Variants in OXR1 observed in about 807,000 individuals in gnomAD.
The protein encoded by OXR1 is oxidation resistance 1.
Under a neutral mutation model 104.6 loss-of-function variants are expected in OXR1, and 41 were observed. The observed-to-expected ratio is 0.39, with a 90% CI of 0.31 to 0.51. The LOEUF (loss-of-function observed/expected upper bound fraction) is 0.51. Among genes scored for constraint, OXR1 ranks in the 20% least tolerant of loss-of-function variants. The probability of loss-of-function intolerance (pLI) is 0.77; values close to 1 mark genes in which losing one functional copy is unlikely to be tolerated. For synonymous variants in OXR1, 348 were observed against 348.4 expected, an observed-to-expected ratio of 1.00 and a Z score of 0.01; for missense variants, 955 against 1,031.9, an observed-to-expected ratio of 0.93 and a Z score of 1.02.
intron 1 of OXR1, among the ~76,000 whole-genome samples, chr8:106,275,508 G>C (rs1238217835): frequency 6.6e-6 from 1 of 152,198 alleles, no homozygotes; most frequent in Non-Finnish European, 1.5e-5. Flanking sequence ...TGAACATTCT[G>C]TGTCACTATT....
chr8:106,720,311 T>C (rs1587233196), intron 11 of OXR1, among the ~76,000 whole-genome samples: 1 of 152,152 alleles, frequency 6.6e-6, no homozygotes, highest in East Asian at 1.9e-4. Context: ...AGGACCTAGT[T>C]ATCAGTGTTG....
chr8:106,543,105 G>A (rs188074105), intron 3 of OXR1, among the ~76,000 whole-genome samples: 1 of 152,238 alleles, frequency 6.6e-6, no homozygotes, highest in Admixed American at 6.5e-5. Flanking sequence ...TTGTATATTG[G>A]AGGAGTCTAC....
At chr8:106,489,422 T>C (rs1810928225) in intron 2 of OXR1, among the ~76,000 whole-genome samples, 1 of 152,184 alleles carries the variant, frequency 6.6e-6, no homozygotes, top group Admixed American at 6.5e-5. Flanking sequence ...AAGCTCAGCA[T>C]TGTAAGTTTT....
chr8:106,482,763 G>T (rs546990669), intron 2 of OXR1, among the ~76,000 whole-genome samples: 22 of 151,960 alleles, frequency 1.4e-4, no homozygotes, highest in African/African-American at 5.3e-4. Flanking sequence ...CACTCATTTT[G>T]ATTCAAATTA....
intron 6 of OXR1, among the ~76,000 whole-genome samples, chr8:106,688,125 G>C (rs1392496085): frequency 1.3e-5 from 2 of 151,896 alleles, no homozygotes; most frequent in East Asian, 3.9e-4. Context: ...TTTCTCCTTT[G>C]TACTGTAAGT....
intron 16 of OXR1, among the ~76,000 whole-genome samples, chr8:106,748,763 T>C (rs1835619639): frequency 6.6e-6 from 1 of 151,200 alleles, no homozygotes; most frequent in African/African-American, 2.4e-5. Context: ...AGAGACAGGG[T>C]TTCGCCATGT....
chr8:106,270,954 A>T (rs1811776212), intron 1 of OXR1, among the ~76,000 whole-genome samples: 1 of 152,138 alleles, frequency 6.6e-6, no homozygotes, highest in Admixed American at 6.5e-5. Flanking sequence ...GCTAGGGGGC[A>T]CATCATGATG....
chr8:106,727,196 T>A (rs1833427005), intron 11 of OXR1, among the ~76,000 whole-genome samples: 1 of 151,492 alleles, frequency 6.6e-6, no homozygotes, highest in African/African-American at 2.4e-5. Context: ...TTAACACCGT[T>A]GTTTTTTTTT....
At chr8:106,348,103 C>T (rs1043288709) in intron 1 of OXR1, among the ~76,000 whole-genome samples, 2 of 152,142 alleles carry the variant, frequency 1.3e-5, no homozygotes, top group African/African-American at 4.8e-5. Context: ...GAAATGGGAA[C>T]ATAATGATCA....
intron 2 of OXR1, among the ~76,000 whole-genome samples, chr8:106,415,587 C>G (rs1170496632): frequency 7.7e-6 from 1 of 129,562 alleles, no homozygotes; most frequent in Non-Finnish European, 1.7e-5. Context: ...GAGAGAGAGA[C>G]AGAGAGACAG....
intron 2 of OXR1, among the ~76,000 whole-genome samples, chr8:106,372,158 A>G (rs1816733999): frequency 1.3e-5 from 2 of 152,324 alleles, no homozygotes; most frequent in East Asian, 1.9e-4. Flanking sequence ...TGGGTTCGCA[A>G]CTGGTATCTT....
At chr8:106,373,637 T>C (rs1251637604) in intron 2 of OXR1, among the ~76,000 whole-genome samples, 1 of 152,196 alleles carries the variant, frequency 6.6e-6, no homozygotes, top group Non-Finnish European at 1.5e-5. Flanking sequence ...TCACCCAGGC[T>C]GGAGTGCAAT....
intron 3 of OXR1, among the ~76,000 whole-genome samples, chr8:106,649,988 A>G (rs1463934980): frequency 6.6e-6 from 1 of 152,062 alleles, no homozygotes; most frequent in South Asian, 2.1e-4. Flanking sequence ...GAGTCACCGC[A>G]CCTGGCCAAA....
At chr8:106,518,878 A>G (rs1205426783) in intron 2 of OXR1, 65 bp from the exon 3 acceptor site, 2 of 1,231,540 alleles carry the variant, frequency 1.6e-6, no homozygotes, top group Non-Finnish European at 2.2e-6. Flanking sequence ...AAAAAAAATT[A>G]TAAACATGGA....
chr8:106,623,927 C>A (rs939087908), intron 3 of OXR1, among the ~76,000 whole-genome samples: 3 of 152,208 alleles, frequency 2.0e-5, no homozygotes, highest in Admixed American at 6.5e-5. Flanking sequence ...TTCCTTCTGA[C>A]AAACCAGAAC....
chr8:106,637,608 T>C (rs918514706), intron 3 of OXR1, among the ~76,000 whole-genome samples: 4 of 152,136 alleles, frequency 2.6e-5, no homozygotes, highest in African/African-American at 9.7e-5. Flanking sequence ...GTCTATTGGG[T>C]TGAATTTGCA....
intron 2 of OXR1, among the ~76,000 whole-genome samples, chr8:106,456,603 G>GT (rs1376932659): frequency 1.3e-5 from 2 of 151,866 alleles, no homozygotes; most frequent in South Asian, 2.1e-4. Flanking sequence ...ACTATTGTGG[G>GT]TTTTTTTTCT....
intron 9 of OXR1, among the ~76,000 whole-genome samples, chr8:106,710,065 T>A (rs1286541002): frequency 6.6e-6 from 1 of 152,132 alleles, no homozygotes; most frequent in Non-Finnish European, 1.5e-5. Context: ...TATCAGCACC[T>A]CTGGTTGAAA....
chr8:106,281,216 C>T (rs983576040), intron 1 of OXR1, among the ~76,000 whole-genome samples: 4 of 152,118 alleles, frequency 2.6e-5, no homozygotes, highest in African/African-American at 9.7e-5. Flanking sequence ...GCCCAAGGCC[C>T]AGGTCCATGG....
Sources: gnomAD v4.1 joint callset for allele counts (sites outside exome capture counted in the v4.1 genomes callset) on GRCh38, gnomAD v4.1.1 for gene constraint, MANE v1.5 for transcripts, NCBI Gene and HGNC (gene_info 2026-07-23, HGNC 2026-07-21) for gene names.